WDPCP: variants seen among roughly 807,000 people sequenced by gnomAD.
WDPCP encodes the protein WD repeat-containing and planar cell polarity effector protein fritz homolog.
A neutral mutation model predicts 93.1 loss-of-function variants in WDPCP; 71 were observed. The ratio of observed to expected loss-of-function variants is 0.76; its 90% CI spans 0.63 to 0.93. WDPCP has a LOEUF of 0.93. WDPCP is among the 40% of genes least tolerant of loss of function. WDPCP has a pLI of 0.00. For synonymous variants in WDPCP, 315 were observed against 315.0 expected, an observed-to-expected ratio of 1.00 and a Z score of 0.00; for missense variants, 844 against 887.4, an observed-to-expected ratio of 0.95 and a Z score of 0.62.
chr2:63,703,550 C>T (rs1355908861), intron 2 of WDPCP, among the ~76,000 whole-genome samples: 1 of 151,072 alleles, frequency 6.6e-6, no homozygotes, highest in African/African-American at 2.4e-5. Context: ...ATATCCTTTG[C>T]CCACTTTTTG....
At chr2:63,775,797 T>G (rs1236151498) in intron 2 of WDPCP, among the ~76,000 whole-genome samples, 1 of 152,206 alleles carries the variant, frequency 6.6e-6, no homozygotes, top group Admixed American at 6.6e-5. Flanking sequence ...CAACAGTAGC[T>G]GACATCAAAA....
chr2:63,351,935 T>A (rs1689657065), intron 12 of WDPCP, among the ~76,000 whole-genome samples: 3 of 152,234 alleles, frequency 2.0e-5, no homozygotes, highest in Admixed American at 2.0e-4. Flanking sequence ...CAGCATCTGT[T>A]GTTTTCTGAC....
chr2:63,305,057 C>T (rs1685622256), intron 13 of WDPCP, among the ~76,000 whole-genome samples: 1 of 152,160 alleles, frequency 6.6e-6, no homozygotes, highest in African/African-American at 2.4e-5. Flanking sequence ...TTCCTCCTCT[C>T]TGGGCAGGGC....
intron 15 of WDPCP, among the ~76,000 whole-genome samples, chr2:63,171,970 A>G (rs1673422760): frequency 6.6e-6 from 1 of 152,228 alleles, no homozygotes; most frequent in Non-Finnish European, 1.5e-5. Context: ...AAATGTCCAG[A>G]TTATATGATT....
chr2:63,823,009 A>G (rs186471760), intron 1 of WDPCP, among the ~76,000 whole-genome samples: 7 of 151,800 alleles, frequency 4.6e-5, no homozygotes, highest in African/African-American at 7.2e-5. Context: ...GGCACAACAA[A>G]TAACTCATCA....
intron 1 of WDPCP, among the ~76,000 whole-genome samples, chr2:63,553,149 C>G (rs1022163103): frequency 6.6e-6 from 1 of 152,092 alleles, no homozygotes; most frequent in South Asian, 2.1e-4. Context: ...AGAGGAAGAA[C>G]TGATATAAAA....
intron 15 of WDPCP, among the ~76,000 whole-genome samples, chr2:63,171,333 TAGA>T (rs1673376690): frequency 6.6e-6 from 1 of 152,160 alleles, no homozygotes; most frequent in South Asian, 2.1e-4. Context: ...TCAGAATACA[TAGA>T]AGTATCTTAC....
At chr2:63,155,729 A>G (rs1672196016) in intron 15 of WDPCP, among the ~76,000 whole-genome samples, 1 of 152,232 alleles carries the variant, frequency 6.6e-6, no homozygotes, top group Admixed American at 6.5e-5. Flanking sequence ...TTCACAGAAA[A>G]TGTTTGTCAA....
In WDPCP at chr2:63,600,849, T is replaced by C. The variant is rs148014911; in HGVS notation, n.488+49810A>G. Among the ~76,000 whole-genome samples the C allele has an allele frequency of 1.8e-4, 28 of 152,340 alleles. No individual in the cohort carries two copies. The East Asian group carries it at 5.2e-3, about 28-fold the overall frequency. ...GTTGTAAAGGAAGAGATATTATACATGTTACAGTTGCAAACTCTGGATTGC... is the reference window on the plus strand; with the variant it reads ...GTTGTAAAGGAAGAGATATTATACACGTTACAGTTGCAAACTCTGGATTGC... On this transcript the variant is annotated intron_variant and non_coding_transcript_variant, in intron 3 of 4. Transcript: ENST00000467687.
At chr2:63,422,333 T>A (rs1317624051) in intron 9 of WDPCP, among the ~76,000 whole-genome samples, 3 of 152,150 alleles carry the variant, frequency 2.0e-5, no homozygotes, top group Non-Finnish European at 4.4e-5. Context: ...TTCCAAAGGA[T>A]TACAATTATA....
At chr2:63,170,026 G>A (rs746165147) in intron 15 of WDPCP, among the ~76,000 whole-genome samples, 19 of 151,232 alleles carry the variant, frequency 1.3e-4, no homozygotes, top group Non-Finnish European at 2.4e-4. Context: ...CCAAGTAGCT[G>A]GGACTGCAGG....
rs909255119 is a variant in WDPCP at position 63,738,850 on chromosome 2, T to C, written n.308+74772A>G. Reference sequence around the variant, plus strand: ...CCACCTAGAGCAAGAAAGAGATCATTACCAGCTCCCCAAAATCCCCCCGAC... The same window carrying C: ...CCACCTAGAGCAAGAAAGAGATCATCACCAGCTCCCCAAAATCCCCCCGAC... On this transcript the variant is annotated intron_variant and non_coding_transcript_variant, in intron 2 of 4. Transcript: ENST00000467687. Among the ~76,000 whole-genome samples, 4 of 152,110 alleles carry C rather than the reference T, an allele frequency of 2.6e-5. No homozygotes were observed. In the South Asian group the frequency reaches 8.3e-4, roughly 32 times the overall value.
intron 9 of WDPCP, among the ~76,000 whole-genome samples, chr2:63,416,313 C>A (rs1014229636): frequency 2.6e-5 from 4 of 151,896 alleles, no homozygotes; most frequent in Non-Finnish European, 5.9e-5. Context: ...GATTCTCCTG[C>A]CTCAGCCTCC....
intron 2 of WDPCP, among the ~76,000 whole-genome samples, chr2:63,668,341 G>C (rs960164559): frequency 1.1e-4 from 17 of 152,156 alleles, no homozygotes; most frequent in African/African-American, 4.1e-4. Flanking sequence ...CAACAAAAAA[G>C]ATTCTCTCCA....
At chr2:63,304,705 T>C (rs1036064563) in intron 13 of WDPCP, among the ~76,000 whole-genome samples, 1 of 152,038 alleles carries the variant, frequency 6.6e-6, no homozygotes, top group Non-Finnish European at 1.5e-5. Flanking sequence ...CTGCAGGAGT[T>C]TTTTTTCATA....
intron 9 of WDPCP, among the ~76,000 whole-genome samples, chr2:63,426,655 A>T (rs1424952346): frequency 1.3e-5 from 2 of 152,178 alleles, no homozygotes; most frequent in Admixed American, 1.3e-4. Context: ...GCAACTAAAC[A>T]TCATCTACAA....
intron 2 of WDPCP, among the ~76,000 whole-genome samples, chr2:63,764,405 C>T (rs1024997681): frequency 6.6e-6 from 1 of 152,144 alleles, no homozygotes; most frequent in Non-Finnish European, 1.5e-5. Flanking sequence ...CATGGTCTGA[C>T]CTCCAGATGG....
intron 1 of WDPCP, among the ~76,000 whole-genome samples, chr2:63,535,752 A>G (rs1333574432): frequency 6.6e-6 from 1 of 152,236 alleles, no homozygotes; most frequent in Non-Finnish European, 1.5e-5. Context: ...CTAAAACCAT[A>G]AAAGCCCTAG....
intron 11 of WDPCP, among the ~76,000 whole-genome samples, chr2:63,380,889 T>C (rs1047317501): frequency 1.3e-5 from 2 of 152,158 alleles, no homozygotes; most frequent in Non-Finnish European, 2.9e-5. Context: ...ATTATTCTTC[T>C]CTAAAATTAC....
Sources: gnomAD v4.1 joint callset for allele counts (sites outside exome capture counted in the v4.1 genomes callset) on GRCh38, gnomAD v4.1.1 for gene constraint, MANE v1.5 for transcripts, NCBI Gene and HGNC (gene_info 2026-07-23, HGNC 2026-07-21) for gene names.